The following ZNF99 variants were observed in gnomAD, a reference collection of about 807,000 sequenced individuals.
ZNF99 encodes the protein zinc finger protein ENSP00000375192.
A neutral mutation model predicts 12.8 loss-of-function variants in ZNF99; 8 were observed. The ratio of observed to expected loss-of-function variants is 0.62; its 90% CI spans 0.37 to 1.13. ZNF99 has a LOEUF of 1.13. Ranked by LOEUF, ZNF99 falls within the 50% of genes most tolerant of loss-of-function variation. ZNF99 has a pLI of 0.02. For missense variants in ZNF99, 1,007 were observed against 1,006.2 expected, an observed-to-expected ratio of 1.00 and a Z score of -0.01; for synonymous variants, 318 against 319.0, an observed-to-expected ratio of 1.00 and a Z score of 0.03.
At position 22,756,370 on chromosome 19, in the gene ZNF99, T is replaced by G. The variant is rs769294268; in HGVS notation, c.*944A>C. The G allele has an allele frequency of 1.3e-6, 2 of 1,597,174 alleles. No individual in the cohort carries two copies. The highest frequency in any genetic ancestry group is 1.7e-6 in the Non-Finnish European group (2 of 1,174,514). On this transcript the variant is annotated 3_prime_UTR_variant, in exon 4 of 4. Coordinates refer to ENST00000596209, the MANE Select transcript of ZNF99 (RefSeq NM_001080409.3). Reference sequence around the variant, plus strand: ...TAAAGGCTTTGCCACATTCTTCACATTTGTAGGGTTTCTCTCCAGAATGAA... The same window carrying G: ...TAAAGGCTTTGCCACATTCTTCACAGTTGTAGGGTTTCTCTCCAGAATGAA...
In ZNF99 at chr19:22,756,266, G is replaced by A. The variant is rs779125197; in HGVS notation, c.*1048C>T. The stretch of plus-strand genomic sequence containing the variant: ...AGTAAGGGCTGAAAGATGGTTAAAA[G>A]CTTTGCCACATTCTTCACATTTGTA... On this transcript the variant is annotated 3_prime_UTR_variant, in exon 4 of 4. Coordinates refer to ENST00000596209, the MANE Select transcript of ZNF99 (RefSeq NM_001080409.3). 2 of 1,563,232 alleles carry A rather than the reference G, an allele frequency of 1.3e-6. No homozygotes were observed. The highest frequency in any genetic ancestry group is 1.7e-6 in the Non-Finnish European group (2 of 1,153,324).
chr19:22,779,746 C>T (rs2145161133), intron 1 of ZNF99, among the ~76,000 whole-genome samples: 1 of 152,074 alleles, frequency 6.6e-6, no homozygotes, highest in South Asian at 2.1e-4. Context: ...TTTCTTTCAC[C>T]CTCCATTCGC....
At position 22,757,758 on chromosome 19, in the gene ZNF99, G is replaced by C; in HGVS notation, c.2151C>G (p.Ser717=). 7 of 1,612,216 alleles carry C rather than the reference G, an allele frequency of 4.3e-6. No individual in the cohort carries two copies. The highest frequency in any genetic ancestry group is 5.9e-6 in the Non-Finnish European group (7 of 1,179,618). ...CEECGKAFSQ[S]STLRKHEIIH... Reference sequence around the variant, plus strand: ...TTATCTCATGTTTTCTAAGAGTTGAGGACTGGCTAAAAGCTTTGCCACATT... The same window carrying C: ...TTATCTCATGTTTTCTAAGAGTTGACGACTGGCTAAAAGCTTTGCCACATT... The change falls in exon 4 of 4, where the codon TCC becomes TCG. Residue 717 remains serine (S), a synonymous_variant. Transcript: ENST00000596209.
chr19:22,781,552 T>C (rs1323820907), intron 1 of ZNF99, among the ~76,000 whole-genome samples: 3 of 151,666 alleles, frequency 2.0e-5, no homozygotes, highest in Admixed American at 2.0e-4. Flanking sequence ...TTTCTGTGTT[T>C]TCCCCGCAAT....
rs754139753 is a variant in ZNF99, at chr19:22,784,013, C to T, written c.3+1G>A. 2.5e-6 allele frequency: 4 copies of T among 1,613,912 alleles called. No homozygotes were observed. Among genetic ancestry groups the T allele is most frequent in the Non-Finnish European group, 2.5e-6 (3 of 1,180,000 alleles). Reference sequence around the variant, plus strand: ...CAGGATATCGGACCCGGCACTCTCACCATTTCTAAGCTTCCAGGGGGTCCT... The same window carrying T: ...CAGGATATCGGACCCGGCACTCTCATCATTTCTAAGCTTCCAGGGGGTCCT... On this transcript the variant is annotated splice_donor_variant, in intron 1 of 3. Transcript: ENST00000596209. LOFTEE classifies it high-confidence loss of function.
At chr19:22,769,810 T>C in intron 1 of ZNF99, 1 of 1,225,742 alleles carries the variant, frequency 8.2e-7, no homozygotes, top group Non-Finnish European at 1.1e-6. Flanking sequence ...TCTAATGTAT[T>C]CTCAAACTCT....
At position 22,756,559 on chromosome 19, in the gene ZNF99, A is replaced by T; in HGVS notation, c.*755T>A. The T allele has an allele frequency of 6.3e-7, 1 of 1,596,578 alleles. No homozygotes were observed. The highest frequency in any genetic ancestry group is 8.5e-7 in the Non-Finnish European group (1 of 1,174,518). ...TTTGTAGGGTTTCTCTCCAGTATGA[A>T]TTGATTTATGTTTAGTAAGGTGTGA... On this transcript the variant is annotated 3_prime_UTR_variant, in exon 4 of 4. Coordinates refer to ENST00000596209, the MANE Select transcript of ZNF99 (RefSeq NM_001080409.3).
Position 22,759,412 on chromosome 19 carries a change from C to T in ZNF99, c.497G>A (p.Arg166Lys), listed in dbSNP as rs1179666639. 3 of 1,577,254 alleles carry T rather than the reference C, an allele frequency of 1.9e-6. No homozygotes were observed. Among genetic ancestry groups the T allele is most frequent in the Non-Finnish European group, 2.6e-6 (3 of 1,160,422 alleles). ...TTTGAAAGTTTTCTTTTTAGTGTGT[C>T]TAATCTTATATCTATTTGAATTTGA... Reference protein sequence around the residue: ...KYSNSNRYKIRHTKKKTFKCM... With the variant: ...KYSNSNRYKIKHTKKKTFKCM... The change falls in exon 4 of 4, where the codon AGA (arginine) becomes AAA (lysine). Residue 166 changes from arginine (R) to lysine (K), a missense_variant. Coordinates refer to ENST00000596209, the MANE Select transcript of ZNF99 (RefSeq NM_001080409.3).
Position 22,758,483 on chromosome 19 carries a change from T to C in ZNF99, c.1426A>G (p.Thr476Ala). The change falls in exon 4 of 4, where the codon ACT becomes GCT. Residue 476 changes from threonine (T) to alanine (A), a missense_variant. Thr to Ala is a moderately conservative substitution (Grantham distance 58, BLOSUM62 0). Transcript: ENST00000596209. ...TCACATTTGTAGGGTTTCTCTCCAG[T>C]ATGAATTATCTCATGTTTTCTAAGG... The part of the protein sequence containing the change: ...SALRKHEIIH[T>A]GEKPYKCEEC... The C allele has an allele frequency of 6.2e-7, 1 of 1,613,558 alleles. No homozygotes were observed. The highest frequency in any genetic ancestry group is 1.3e-5 in the African/African-American group (1 of 75,028).
At chr19:22,760,741 C>G (rs1415746561) in intron 3 of ZNF99, among the ~76,000 whole-genome samples, 1 of 151,104 alleles carries the variant, frequency 6.6e-6, no homozygotes, top group Non-Finnish European at 1.5e-5. Flanking sequence ...GAGACTCTGT[C>G]TCAAAAAAAA....
chr19:22,778,733 C>T (rs986124189), intron 1 of ZNF99, among the ~76,000 whole-genome samples: 5 of 152,034 alleles, frequency 3.3e-5, no homozygotes, highest in South Asian at 2.1e-4. Context: ...AGGCTGAGCA[C>T]GGTGGCTCAC....
chr19:22,758,173 T>A lies in ZNF99; in HGVS notation c.1736A>T (p.His579Leu), dbSNP rs1489413069. 2.5e-6 allele frequency: 4 copies of A among 1,613,076 alleles called. No homozygotes were observed. In the Admixed American group the frequency reaches 6.7e-5, roughly 27 times the overall value. ...ECGKAFKQSS[H>L]LTRHKAIHTG... ...ATGAATTGCTTTATGTCTAGTAAGA[T>A]GTGAAGATTGCTTAAAAGCTTTGCC... is the stretch of plus-strand genomic sequence containing the variant. Residue 579 changes from histidine to leucine, a missense_variant, in exon 4 of 4, where the codon CAT becomes CTT. Transcript: ENST00000596209.
rs538715399 is a variant in ZNF99 at position 22,766,485 on chromosome 19, C to T, written c.226+1820G>A. 6.0e-5 allele frequency among the ~76,000 whole-genome samples: 9 copies of T among 151,252 alleles called. No individual in the cohort carries two copies. The South Asian group carries it at 1.9e-3, about 32-fold the overall frequency. On this transcript the variant is annotated intron_variant, in intron 3 of 3. Transcript: ENST00000596209. ...TCCCAAGCAGCTAGGACTACAGGCA[C>T]GTGCCACCATGCCTGGATAATTTTT... is the stretch of plus-strand genomic sequence containing the variant.
chr19:22,774,551 G>A (rs1006861865), intron 1 of ZNF99: 4 of 152,212 alleles, frequency 2.6e-5, no homozygotes, highest in African/African-American at 4.8e-5. Flanking sequence ...TGTAATAGCA[G>A]CATTCCGATT....
At chr19:22,783,317 C>CTT (rs35900800) in intron 1 of ZNF99, among the ~76,000 whole-genome samples, 1 of 149,752 alleles carries the variant, frequency 6.7e-6, no homozygotes, top group Non-Finnish European at 1.5e-5. Flanking sequence ...AATTCAAGTG[C>CTT]TTTTTTTTTT....
At chr19:22,772,067 CAT>C (rs1973279942) in intron 1 of ZNF99, among the ~76,000 whole-genome samples, 1 of 151,642 alleles carries the variant, frequency 6.6e-6, no homozygotes, top group African/African-American at 2.4e-5. Context: ...TCTGAGGAAA[CAT>C]AGATATAAGT....
At chr19:22,772,285 A>C (rs1160747828) in intron 1 of ZNF99, among the ~76,000 whole-genome samples, 8 of 152,192 alleles carry the variant, frequency 5.3e-5, no homozygotes, top group Non-Finnish European at 1.0e-4. Context: ...TTGGATATAC[A>C]CCATTAGTTT....
chr19:22,759,182 T>C lies in ZNF99; in HGVS notation c.727A>G (p.Met243Val), dbSNP rs199611238. 1.1e-4 allele frequency: 175 copies of C among 1,591,854 alleles called. 1 individual carries two copies. The highest frequency in any genetic ancestry group is 9.9e-4 in the Middle Eastern group (6 of 6,048). ...TGAATTATCTTACATTTAGTGAACA[T>C]TGAAGAGATGTTAAAAGCTTTGCCA... ...KCGKAFNISSMFTKCKIIHTG... is the reference protein window; with the variant it reads ...KCGKAFNISSVFTKCKIIHTG... The change falls in exon 4 of 4, where the codon ATG becomes GTG. Residue 243 changes from methionine to valine, a missense_variant. Transcript: ENST00000596209.
At position 22,784,043 on chromosome 19, in the gene ZNF99, T is replaced by A. The variant is rs1453609602; in HGVS notation, c.-27A>T. 6.2e-7 allele frequency: 1 copy of A among 1,613,442 alleles called. No individual in the cohort carries two copies. The stretch of plus-strand genomic sequence containing the variant: ...TCTAAGCTTCCAGGGGGTCCTGGCG[T>A]CCTAGCTGTGGATCTCCAAATACCT... On this transcript the variant is annotated 5_prime_UTR_variant, in exon 1 of 4. Coordinates refer to ENST00000596209, the MANE Select transcript of ZNF99 (RefSeq NM_001080409.3).
Sources: gnomAD v4.1 joint callset for allele counts (sites outside exome capture counted in the v4.1 genomes callset) on GRCh38, gnomAD v4.1.1 for gene constraint, MANE v1.5 for transcripts, NCBI Gene and HGNC (gene_info 2026-07-23, HGNC 2026-07-21) for gene names.